UROD: variants seen among roughly 807,000 people sequenced by gnomAD.
The protein encoded by UROD is uroporphyrinogen decarboxylase.
UROD carries 34 observed loss-of-function variants against 47.1 expected under a neutral mutation model. The ratio of observed to expected loss-of-function variants is 0.72; its 90% CI spans 0.55 to 0.96. UROD has a LOEUF of 0.96. Ranked by LOEUF, UROD falls within the 40% of genes least tolerant of loss-of-function variation. The pLI is 0.00. For synonymous variants in UROD, 148 were observed against 175.8 expected (o/e 0.84, Z 1.25); for missense variants, 381 against 471.8 (o/e 0.81, Z 1.78).
chr1:45,013,055 C>A lies in UROD; in HGVS notation c.133+36C>A. On this transcript the variant is annotated intron_variant, in intron 2 of 9. Transcript: ENST00000246337. This position sits in a 1 kb window ranked among gnomAD's most constrained non-coding sequence, Gnocchi z 4.2. ...GGGTCTGGAAATCTAGATAAAACTC[C>A]GGAGGGAGAAAAGTTTTCGAGGGGC... is the stretch of plus-strand genomic sequence containing the variant. The A allele has an allele frequency of 6.2e-7, 1 of 1,614,086 alleles. No homozygotes were observed. Among genetic ancestry groups the A allele is most frequent in the South Asian group, 1.1e-5 (1 of 91,080 alleles).
Position 45,014,941 on chromosome 1 carries a change from G to T in UROD, c.877G>T (p.Glu293Ter). 6.2e-7 allele frequency: 1 copy of T among 1,614,178 alleles called. No individual in the cohort carries two copies. The highest frequency in any genetic ancestry group is 8.5e-7 in the Non-Finnish European group (1 of 1,180,030). ...ACGTGGCGCTGGCTTTGCTTCCAGG[G>T]AGTGTGTGGGGAAGACGGTGACATT... ...DWTVAPKKAR[E>*]CVGKTVTLQG... Residue 293 changes from glutamate (E) to a stop codon, truncating the protein, a stop_gained and splice_region_variant, in exon 9 of 10, where the codon GAG becomes TAG. Transcript: ENST00000246337. LOFTEE classifies it high-confidence loss of function.
Position 45,013,395 on chromosome 1 carries a change from G to A in UROD, c.276+41G>A. On this transcript the variant is annotated intron_variant, in intron 4 of 9. Coordinates refer to ENST00000246337, the MANE Select transcript of UROD (RefSeq NM_000374.5). The surrounding 1 kb of genome is among the most constrained non-coding windows in gnomAD (Gnocchi z 4.2). ...TGATCCTAGAATATAATCCAAGGACGCCTTGAAAATCCTTCTATCAGTCCA... is the reference window on the plus strand; with the variant it reads ...TGATCCTAGAATATAATCCAAGGACACCTTGAAAATCCTTCTATCAGTCCA... The A allele has an allele frequency of 1.9e-6, 3 of 1,612,908 alleles. No homozygotes were observed. Among genetic ancestry groups the A allele is most frequent in the Non-Finnish European group, 2.5e-6 (3 of 1,178,920 alleles).
chr1:45,012,776 G>A (rs1001647308), intron 1 of UROD, 131 bp from the exon 2 acceptor site: 18 of 1,540,964 alleles, frequency 1.2e-5, no homozygotes, highest in Middle Eastern at 1.7e-4. Flanking sequence ...CGGGCGGAAA[G>A]CCAGGGTTTG....
chr1:45,012,297 A>G lies in UROD; in HGVS notation c.20+12A>G. The G allele has an allele frequency of 6.2e-7, 1 of 1,614,162 alleles. No homozygotes were observed. The highest frequency in any genetic ancestry group is 1.3e-5 in the African/African-American group (1 of 75,062). ...GCGAATGGGTTGGGGTGAGTTCTCC[A>G]GAGCACGCGGTGTGGCTAGCCGGGC... On this transcript the variant is annotated intron_variant, in intron 1 of 9. Transcript: ENST00000246337.
rs760270618 is a variant in UROD at position 45,012,836 on chromosome 1, A to T, written c.21-71A>T. Reference sequence around the variant, plus strand: ...AGCGGTCCTGGACTGAATCGGCCTTATGAACCCGCGCTTTCCCCAGCCTCC... The same window carrying T: ...AGCGGTCCTGGACTGAATCGGCCTTTTGAACCCGCGCTTTCCCCAGCCTCC... On this transcript the variant is annotated intron_variant, in intron 1 of 9. Coordinates refer to ENST00000246337, the MANE Select transcript of UROD (RefSeq NM_000374.5). The T allele has an allele frequency of 3.1e-6, 5 of 1,594,326 alleles. No individual in the cohort carries two copies. In the African/African-American group the frequency reaches 5.4e-5, roughly 17 times the overall value.
In UROD at chr1:45,012,256, A is replaced by G; in HGVS notation, c.-10A>G. The G allele has an allele frequency of 1.4e-5, 22 of 1,613,848 alleles. No homozygotes were observed. Among genetic ancestry groups the G allele is most frequent in the Non-Finnish European group, 1.9e-5 (22 of 1,179,968 alleles). On this transcript the variant is annotated 5_prime_UTR_variant, in exon 1 of 10. Coordinates refer to ENST00000246337, the MANE Select transcript of UROD (RefSeq NM_000374.5). ...TTGTGGATTGAGCTCGCAGTTACAGACAGCTGACCATGGAAGCGAATGGGT... is the reference window on the plus strand; with the variant it reads ...TTGTGGATTGAGCTCGCAGTTACAGGCAGCTGACCATGGAAGCGAATGGGT...
intron 9 of UROD, 118 bp downstream of exon 9, chr1:45,015,124 C>G (rs1450650404): frequency 2.0e-6 from 3 of 1,538,030 alleles, no homozygotes; most frequent in Non-Finnish European, 2.7e-6. Context: ...CTCTGTACAA[C>G]ATAAGCCCTA....
At chr1:45,014,156 G>T (rs958918786) in intron 6 of UROD, 86 bp downstream of exon 6, 2 of 1,593,932 alleles carry the variant, frequency 1.3e-6, no homozygotes, top group African/African-American at 1.3e-5. Context: ...GAGGGCAGGG[G>T]TCTTAATGCC....
rs1297677592 is a variant in UROD at position 45,013,820 on chromosome 1, G to A, written c.474+29G>A. The stretch of plus-strand genomic sequence containing the variant: ...ATGTGGGACAGGGCAGGGACTCGGG[G>A]CGCGGGGAGATCACTCTGGAAGGTC... On this transcript the variant is annotated intron_variant, in intron 5 of 9. Coordinates refer to ENST00000246337, the MANE Select transcript of UROD (RefSeq NM_000374.5). This position sits in a 1 kb window ranked among gnomAD's most constrained non-coding sequence, Gnocchi z 4.2. 4 of 1,614,156 alleles carry A rather than the reference G, an allele frequency of 2.5e-6. No homozygotes were observed. The highest frequency in any genetic ancestry group is 3.4e-6 in the Non-Finnish European group (4 of 1,180,036).
intron 7 of UROD, 23 bp from the exon 8 acceptor site, chr1:45,014,713 G>C: frequency 6.2e-7 from 1 of 1,614,078 alleles, no homozygotes; most frequent in Non-Finnish European, 8.5e-7. Context: ...GCCCTCTGTA[G>C]CCTGAGATCT....
rs758301884 is a variant in UROD, at chr1:45,014,719, G to C, written c.775-17G>C. On this transcript the variant is annotated splice_polypyrimidine_tract_variant and intron_variant, in intron 7 of 9. Transcript: ENST00000246337. ...TGTAGCAAGGCCCTCTGTAGCCTGA[G>C]ATCTGCTTTTTTCTAGATCATCTTT... is the stretch of plus-strand genomic sequence containing the variant. The C allele has an allele frequency of 5.0e-6, 8 of 1,614,038 alleles. No individual in the cohort carries two copies. The East Asian group carries it at 1.6e-4, about 31-fold the overall frequency.
At position 45,014,674 on chromosome 1, in the gene UROD, A is replaced by G. The variant is rs1351825353; in HGVS notation, c.775-62A>G. On this transcript the variant is annotated intron_variant, in intron 7 of 9. Transcript: ENST00000246337. ...GACCACTGGAGGGCAGCAGAAGTAC[A>G]GTCAAGAAAGATTAGTGGTTGTAGC... 4.3e-6 allele frequency: 7 copies of G among 1,613,438 alleles called. No homozygotes were observed. The African/African-American group carries it at 6.7e-5, about 15-fold the overall frequency.
At chr1:45,012,738 C>A in intron 1 of UROD, 169 bp from the exon 2 acceptor site, 1 of 1,428,744 alleles carries the variant, frequency 7.0e-7, no homozygotes, top group Non-Finnish European at 9.5e-7. Flanking sequence ...AGTTTGTGCA[C>A]CACCTGATAG....
Position 45,012,945 on chromosome 1 carries a change from T to C in UROD, c.59T>C (p.Leu20Pro). The change falls in exon 2 of 10, where the codon CTG (leucine) becomes CCG (proline). Residue 20 changes from leucine (L) to proline (P), a missense_variant. By Grantham distance (98) the Leu-to-Pro change is moderately conservative. Coordinates refer to ENST00000246337, the MANE Select transcript of UROD (RefSeq NM_000374.5). The stretch of plus-strand genomic sequence containing the variant: ...CCGGAGCTGAAGAATGACACATTCC[T>C]GCGAGCAGCCTGGGGAGAGGAAACA... ...GFPELKNDTF[L>P]RAAWGEETDY... is the part of the protein sequence containing the mutation. 1 of 1,610,050 alleles carries C rather than the reference T, an allele frequency of 6.2e-7. No individual in the cohort carries two copies. Among genetic ancestry groups the C allele is most frequent in the Non-Finnish European group, 8.5e-7 (1 of 1,177,650 alleles).
intron 6 of UROD, 160 bp downstream of exon 6, chr1:45,014,230 C>T: frequency 7.8e-7 from 1 of 1,284,750 alleles, no homozygotes; most frequent in Non-Finnish European, 1.1e-6. Flanking sequence ...CTGACACTGA[C>T]AGTGGGGCTT....
In UROD at chr1:45,014,850, G is replaced by T; in HGVS notation, c.875+14G>T. 1 of 1,614,264 alleles carries T rather than the reference G, an allele frequency of 6.2e-7. No individual in the cohort carries two copies. Among genetic ancestry groups the T allele is most frequent in the African/African-American group, 1.3e-5 (1 of 75,064 alleles). ...AAAGAAAGCCCGGTAAGCCATGGAA[G>T]GGTGAGGCCTTGAGGTTGAGGTGGG... On this transcript the variant is annotated intron_variant, in intron 8 of 9. Coordinates refer to ENST00000246337, the MANE Select transcript of UROD (RefSeq NM_000374.5).
At chr1:45,015,079 A>C in intron 9 of UROD, 73 bp downstream of exon 9, 1 of 1,604,830 alleles carries the variant, frequency 6.2e-7, no homozygotes, top group South Asian at 1.1e-5. Context: ...TTCTGTGTGC[A>C]CTTGTTTTTA....
chr1:45,014,816 A>G lies in UROD; in HGVS notation c.855A>G (p.Thr285=), dbSNP rs554505259. The change falls in exon 8 of 10, where the codon ACA becomes ACG. Residue 285 remains threonine (T), a synonymous_variant. Transcript: ENST00000246337. ...AGYEVVGLDW[T]VAPKKARECV... ...ATGAGGTGGTTGGGCTTGACTGGACAGTGGCCCCAAAGAAAGCCCGGTAAG... is the reference window on the plus strand; with the variant it reads ...ATGAGGTGGTTGGGCTTGACTGGACGGTGGCCCCAAAGAAAGCCCGGTAAG... The G allele has an allele frequency of 1.9e-6, 3 of 1,614,244 alleles. No homozygotes were observed. In the African/African-American group the frequency reaches 4.0e-5, roughly 22 times the overall value.
At position 45,013,536 on chromosome 1, in the gene UROD, A is replaced by G; in HGVS notation, c.277-58A>G. The G allele has an allele frequency of 6.2e-7, 1 of 1,612,716 alleles. No individual in the cohort carries two copies. Among genetic ancestry groups the G allele is most frequent in the Non-Finnish European group, 8.5e-7 (1 of 1,179,112 alleles). On this transcript the variant is annotated intron_variant, in intron 4 of 9. Coordinates refer to ENST00000246337, the MANE Select transcript of UROD (RefSeq NM_000374.5). This position sits in a 1 kb window ranked among gnomAD's most constrained non-coding sequence, Gnocchi z 4.2. ...TTTCCTTCCTCCTGGAATGAGCTGAACAGAACCTTTCCTCCTGGATTCCAT... is the reference window on the plus strand; with the variant it reads ...TTTCCTTCCTCCTGGAATGAGCTGAGCAGAACCTTTCCTCCTGGATTCCAT...
Sources: allele counts gnomAD v4.1 joint callset, GRCh38; gene constraint gnomAD v4.1.1; non-coding constraint Gnocchi (gnomAD v3.1); transcripts MANE v1.5; gene names NCBI Gene and HGNC (gene_info 2026-07-23, HGNC 2026-07-21).